The following ZNF583 variants were observed in gnomAD, a reference collection of about 807,000 sequenced individuals.
ZNF583 encodes the protein zinc finger protein L3-5.
A neutral mutation model predicts 55.3 loss-of-function variants in ZNF583; 30 were observed. That is an observed-to-expected ratio of 0.54 (90% CI 0.41 to 0.74). ZNF583 has a LOEUF of 0.74. Among genes scored for constraint, ZNF583 ranks in the 30% least tolerant of loss-of-function variants. ZNF583 has a pLI of 0.00. For synonymous variants in ZNF583, 208 were observed against 220.0 expected, an observed-to-expected ratio of 0.95 and a Z score of 0.48; for missense variants, 504 against 664.7, an observed-to-expected ratio of 0.76 and a Z score of 2.66.
rs1050768280 is a variant in ZNF583, at chr19:56,411,789, G to A, written c.10-2170G>A. Among the ~76,000 whole-genome samples the A allele has an allele frequency of 7.9e-5, 12 of 152,168 alleles. No homozygotes were observed. In the South Asian group the frequency reaches 1.2e-3, roughly 16 times the overall value. On this transcript the variant is annotated intron_variant, in intron 2 of 4. Coordinates refer to ENST00000333201, the MANE Select transcript of ZNF583 (RefSeq NM_152478.3). ...TAGAAGCTTTTTAAGCAGCTGATGCGTGTAATTGATATTTCTTGGAGCCAT... is the reference window on the plus strand; with the variant it reads ...TAGAAGCTTTTTAAGCAGCTGATGCATGTAATTGATATTTCTTGGAGCCAT...
intron 2 of ZNF583, 131 bp from the exon 3 acceptor site, chr19:56,413,828 T>G (rs2042274609): frequency 7.9e-7 from 1 of 1,270,906 alleles, no homozygotes; most frequent in East Asian, 2.4e-5. Flanking sequence ...GCTCAGAACC[T>G]AAGATACTGT....
Position 56,413,959 on chromosome 19 carries a change from G to T in ZNF583, c.10G>T (p.Asp4Tyr). MSK[D>Y]LVTFGDVAVN... ...CAAGAATGTGTTTATGTCATTTCAG[G>T]ATTTGGTGACATTTGGGGATGTGGC... The change falls in exon 3 of 5, where the codon GAT (aspartate) becomes TAT (tyrosine). Residue 4 changes from aspartate to tyrosine, a missense_variant and splice_region_variant. Around this residue, in one of 3 missense-constraint regions of ZNF583, gnomAD observed 204 missense variants for 235.2 expected, o/e 0.87. Transcript: ENST00000333201. 7 of 1,614,092 alleles carry T rather than the reference G, an allele frequency of 4.3e-6. No individual in the cohort carries two copies. The highest frequency in any genetic ancestry group is 5.9e-6 in the Non-Finnish European group (7 of 1,179,968).
intron 3 of ZNF583, 110 bp downstream of exon 3, chr19:56,414,195 A>C: frequency 6.6e-7 from 1 of 1,526,542 alleles, no homozygotes; most frequent in Non-Finnish European, 9.0e-7. Context: ...TGTGCTTCCC[A>C]AAATAGGTTG....
rs192530067 is a variant in ZNF583, at chr19:56,423,408, C to T, written c.750C>T (p.Ser250=). 5.0e-6 allele frequency: 8 copies of T among 1,613,854 alleles called. No homozygotes were observed. The African/African-American group carries it at 6.7e-5, about 13-fold the overall frequency. The part of the protein sequence containing the change: ...YACVECGKTF[S]QSANLAQHKR... ...GTGTTGAATGTGGGAAAACGTTCAG[C>T]CAGAGTGCAAACTTGGCGCAACATA... Residue 250 remains serine, a synonymous_variant, in exon 5 of 5, where the codon AGC becomes AGT. Transcript: ENST00000333201.
intron 2 of ZNF583, among the ~76,000 whole-genome samples, chr19:56,409,514 T>G (rs1272343489): frequency 6.6e-6 from 1 of 151,222 alleles, no homozygotes; most frequent in Non-Finnish European, 1.5e-5. Flanking sequence ...ATGATTATCT[T>G]TTTTTGAGAT....
intron 1 of ZNF583, among the ~76,000 whole-genome samples, chr19:56,406,807 G>A (rs534385635): frequency 7.9e-5 from 12 of 151,508 alleles, no homozygotes; most frequent in East Asian, 1.9e-4. Flanking sequence ...GATTACAGGC[G>A]TGAGCCACCG....
rs553881464 is a variant in ZNF583 at position 56,418,183 on chromosome 19, G to T, written c.232+3743G>T. Among the ~76,000 whole-genome samples, 8 of 152,224 alleles carry T rather than the reference G, an allele frequency of 5.3e-5. No individual in the cohort carries two copies. In the South Asian group the frequency reaches 1.7e-3, roughly 32 times the overall value. ...CTCAAAAAACTTAGATTTTTGTTGGGATTACATTGATTCTGTATGTCAATT... is the reference window on the plus strand; with the variant it reads ...CTCAAAAAACTTAGATTTTTGTTGGTATTACATTGATTCTGTATGTCAATT... On this transcript the variant is annotated intron_variant, in intron 4 of 4. Coordinates refer to ENST00000333201, the MANE Select transcript of ZNF583 (RefSeq NM_152478.3).
chr19:56,419,157 T>A (rs1171065775), intron 4 of ZNF583, among the ~76,000 whole-genome samples: 1 of 152,128 alleles, frequency 6.6e-6, no homozygotes, highest in Non-Finnish European at 1.5e-5. Flanking sequence ...TTAAAGATTT[T>A]GCCTTATGTA....
chr19:56,418,512 T>A (rs1157536060), intron 4 of ZNF583, among the ~76,000 whole-genome samples: 4 of 152,232 alleles, frequency 2.6e-5, no homozygotes, highest in Admixed American at 1.3e-4. Flanking sequence ...GTAATAGTTT[T>A]TTGAGTGCTA....
At chr19:56,406,086 CT>C (rs1312023148) in intron 1 of ZNF583, among the ~76,000 whole-genome samples, 1 of 152,190 alleles carries the variant, frequency 6.6e-6, no homozygotes, top group Non-Finnish European at 1.5e-5. Flanking sequence ...CTCTCTCCTT[CT>C]TTCTGTCTGA....
rs1367651047 is a variant in ZNF583, at chr19:56,423,052, C to T, written c.394C>T (p.Leu132=). Reference sequence around the variant, plus strand: ...AAGTGAGGACTGGTATAAGAACCAGCTGGGAAGTCAAGAGGTACATCTTAG... The same window carrying T: ...AAGTGAGGACTGGTATAAGAACCAGTTGGGAAGTCAAGAGGTACATCTTAG... The part of the protein sequence containing the change: ...CQSEDWYKNQ[L]GSQEVHLSQL... Residue 132 remains leucine, a synonymous_variant, in exon 5 of 5, where the codon CTG becomes TTG. Transcript: ENST00000333201. 1 of 1,613,756 alleles carries T rather than the reference C, an allele frequency of 6.2e-7. No homozygotes were observed. The highest frequency in any genetic ancestry group is 2.2e-5 in the East Asian group (1 of 44,874).
At chr19:56,413,910 G>A (rs770756408) in intron 2 of ZNF583, 49 bp from the exon 3 acceptor site, 1 of 1,610,376 alleles carries the variant, frequency 6.2e-7, no homozygotes, top group Non-Finnish European at 8.5e-7. Flanking sequence ...TTAGGCTCAT[G>A]TGAGGATATG....
intron 2 of ZNF583, among the ~76,000 whole-genome samples, chr19:56,413,539 G>A (rs2042270221): frequency 6.6e-6 from 1 of 152,226 alleles, no homozygotes; most frequent in African/African-American, 2.4e-5. Flanking sequence ...AAAAATGCCA[G>A]ATTCAACCAT....
At chr19:56,411,071 C>T (rs2042230722) in intron 2 of ZNF583, among the ~76,000 whole-genome samples, 1 of 150,428 alleles carries the variant, frequency 6.6e-6, no homozygotes, top group Non-Finnish European at 1.5e-5. Context: ...AGGATCCCTT[C>T]AGCCCAGGAG....
rs1210620073 is a variant in ZNF583 at position 56,425,182 on chromosome 19, A to T, written c.*814A>T. The T allele has an allele frequency of 6.6e-6, 1 of 152,042 alleles. No individual in the cohort carries two copies. The highest frequency in any genetic ancestry group is 1.9e-4 in the East Asian group (1 of 5,200). The allele number at this position is 152,042 out of a possible 1,614,324, so 9.4% of individuals were successfully genotyped here. A position where few individuals can be genotyped will look rare whatever the true frequency, so the allele number is the denominator to read the frequency against. Reference sequence around the variant, plus strand: ...TTGTATCAGCATTCACTGGATATTTAACAGTTCTAAGATGCTAATGTCTTA... The same window carrying T: ...TTGTATCAGCATTCACTGGATATTTTACAGTTCTAAGATGCTAATGTCTTA... On this transcript the variant is annotated 3_prime_UTR_variant, in exon 5 of 5. Coordinates refer to ENST00000333201, the MANE Select transcript of ZNF583 (RefSeq NM_152478.3).
At chr19:56,404,244 C>G (rs2042107814), upstream of ZNF583, 1 of 152,740 alleles carries the variant, frequency 6.5e-6, no homozygotes, top group Non-Finnish European at 1.5e-5. The surrounding 1 kb of genome is among the most constrained non-coding windows in gnomAD (Gnocchi z 5.2). Flanking sequence ...GATCTGCGGC[C>G]GCCCGGGGCC....
rs140314575 is a variant in ZNF583 at position 56,404,705 on chromosome 19, T to A, written c.-90+253T>A. ...ACCATGTGGGACAAATGTGGGACTA[T>A]GTGTGACAGTATGAGACTGGGTGTG... On this transcript the variant is annotated intron_variant, in intron 1 of 4. Transcript: ENST00000333201. This position sits in a 1 kb window ranked among gnomAD's most constrained non-coding sequence, Gnocchi z 5.2. Among the ~76,000 whole-genome samples the A allele has an allele frequency of 4.5e-3, 686 of 152,188 alleles. 5 individuals are homozygous for A. Among genetic ancestry groups the A allele is most frequent in the African/African-American group, 0.016 (649 of 41,510 alleles).
At chr19:56,410,585 C>G (rs2042222739) in intron 2 of ZNF583, among the ~76,000 whole-genome samples, 1 of 151,986 alleles carries the variant, frequency 6.6e-6, no homozygotes, top group Non-Finnish European at 1.5e-5. Context: ...CCCTGTAATC[C>G]CAGCTACTTG....
intron 2 of ZNF583, among the ~76,000 whole-genome samples, chr19:56,411,482 A>G (rs148687628): frequency 1.4e-4 from 21 of 152,356 alleles, no homozygotes; most frequent in East Asian, 1.3e-3. Flanking sequence ...CACAGACTCT[A>G]TTAGTTCATG....
Sources: allele counts gnomAD v4.1 joint callset (sites outside exome capture counted in the v4.1 genomes callset), GRCh38; gene constraint gnomAD v4.1.1; regional missense constraint gnomAD v4.1.1; non-coding constraint Gnocchi (gnomAD v3.1); transcripts MANE v1.5; gene names NCBI Gene and HGNC (gene_info 2026-07-23, HGNC 2026-07-21).